Variants in CWC27 observed in about 807,000 individuals in gnomAD.
CWC27 encodes the protein spliceosome-associated protein CWC27 homolog.
In CWC27, 47 loss-of-function variants were observed where a neutral mutation model predicts 63.6. That is an observed-to-expected ratio of 0.74 (90% CI 0.58 to 0.94). The LOEUF (loss-of-function observed/expected upper bound fraction) is 0.94, where lower values mean the gene tolerates loss of function less well. CWC27 is among the 40% of genes least tolerant of loss of function. The probability of loss-of-function intolerance (pLI) is 0.00; values close to 1 mark genes in which losing one functional copy is unlikely to be tolerated. For missense variants in CWC27, 495 were observed against 554.3 expected (o/e 0.89, Z 1.07); for synonymous variants, 175 against 179.8 (o/e 0.97, Z 0.22).
chr5:64,878,558 T>G (rs1746855432), intron 10 of CWC27, among the ~76,000 whole-genome samples: 2 of 147,616 alleles, frequency 1.4e-5, no homozygotes, highest in Admixed American at 1.4e-4. Context: ...GTTTTGCATA[T>G]TATATATGTT....
At chr5:64,884,373 G>A (rs1425481731) in intron 10 of CWC27, 1 of 152,084 alleles carries the variant, frequency 6.6e-6, no homozygotes, top group Non-Finnish European at 1.5e-5. Context: ...TGTGTCTGGT[G>A]TGGAAAAAAA....
chr5:64,777,119 G>A (rs1468824147), intron 2 of CWC27, among the ~76,000 whole-genome samples: 1 of 152,012 alleles, frequency 6.6e-6, no homozygotes, highest in Non-Finnish European at 1.5e-5. Context: ...TTGTTTTATA[G>A]ACAAGTGGGG....
chr5:64,940,117 C>T (rs941192042), intron 11 of CWC27, among the ~76,000 whole-genome samples: 1 of 152,136 alleles, frequency 6.6e-6, no homozygotes, highest in African/African-American at 2.4e-5. Flanking sequence ...CTTTTCCAGG[C>T]ATGTGAACAG....
At chr5:64,858,335 G>C (rs1746311199) in intron 10 of CWC27, among the ~76,000 whole-genome samples, 1 of 148,438 alleles carries the variant, frequency 6.7e-6, no homozygotes, top group Non-Finnish European at 1.5e-5. Flanking sequence ...GGTGGCGGAC[G>C]CCTGTAGTCC....
intron 11 of CWC27, among the ~76,000 whole-genome samples, chr5:64,917,186 C>T (rs1747906943): frequency 6.6e-6 from 1 of 152,004 alleles, no homozygotes; most frequent in Admixed American, 6.6e-5. Flanking sequence ...TTGTGATGTC[C>T]AGCTCTTCCC....
Position 64,801,289 on chromosome 5 carries a change from A to T in CWC27, c.750-13A>T, listed in dbSNP as rs1361580449. Reference sequence around the variant, plus strand: ...CTTGAAACTAAAATTTGTTTTGCTTATTTTTTTTATAGTGAAAAAGGTGAT... The same window carrying T: ...CTTGAAACTAAAATTTGTTTTGCTTTTTTTTTTTATAGTGAAAAAGGTGAT... On this transcript the variant is annotated splice_polypyrimidine_tract_variant and intron_variant, in intron 8 of 13. Coordinates refer to ENST00000381070, the MANE Select transcript of CWC27 (RefSeq NM_005869.4). 7.1e-7 allele frequency: 1 copy of T among 1,412,526 alleles called. No individual in the cohort carries two copies. Among genetic ancestry groups the T allele is most frequent in the Non-Finnish European group, 9.6e-7 (1 of 1,046,422 alleles). The allele number at this position is 1,412,526 out of a possible 1,614,324, so 87.5% of individuals were successfully genotyped here.
rs576712243 is a variant in CWC27 at position 64,891,239 on chromosome 5, A to C, written c.1042+5693A>C. 3.9e-5 allele frequency among the ~76,000 whole-genome samples: 6 copies of C among 152,286 alleles called. No homozygotes were observed. The East Asian group carries it at 1.2e-3, about 29-fold the overall frequency. ...ATTAGTTAAAAAAATTAATCATTTTAATCAATTAAAGATAAAGTTCTCTTA... is the reference window on the plus strand; with the variant it reads ...ATTAGTTAAAAAAATTAATCATTTTCATCAATTAAAGATAAAGTTCTCTTA... On this transcript the variant is annotated intron_variant, in intron 11 of 13. Transcript: ENST00000381070.
intron 11 of CWC27, among the ~76,000 whole-genome samples, chr5:64,955,481 G>C (rs1748787754): frequency 6.6e-6 from 1 of 152,150 alleles, no homozygotes; most frequent in African/African-American, 2.4e-5. Flanking sequence ...CTGTATGCCA[G>C]AATCAGCAGT....
At chr5:64,829,106 G>C (rs1745444848) in intron 10 of CWC27, among the ~76,000 whole-genome samples, 1 of 152,102 alleles carries the variant, frequency 6.6e-6, no homozygotes, top group Non-Finnish European at 1.5e-5. Flanking sequence ...TATTATAACA[G>C]GATAGTTAGA....
chr5:64,890,490 A>G (rs1033153658), intron 11 of CWC27, among the ~76,000 whole-genome samples: 1 of 152,054 alleles, frequency 6.6e-6, no homozygotes, highest in Non-Finnish European at 1.5e-5. Context: ...AAATTTTCTT[A>G]TTGAGCAAAC....
At chr5:64,992,583 G>C (rs2112459475) in intron 13 of CWC27, among the ~76,000 whole-genome samples, 1 of 151,210 alleles carries the variant, frequency 6.6e-6, no homozygotes, top group South Asian at 2.1e-4. Flanking sequence ...CCAGGCTGCA[G>C]TGCAGTGGCG....
chr5:64,930,151 C>A (rs1748210809), intron 11 of CWC27, among the ~76,000 whole-genome samples: 1 of 151,932 alleles, frequency 6.6e-6, no homozygotes, highest in South Asian at 2.1e-4. Context: ...TATGGAATGT[C>A]CAAAATAGGC....
intron 13 of CWC27, among the ~76,000 whole-genome samples, chr5:64,999,322 C>T (rs747866607): frequency 1.6e-4 from 25 of 152,106 alleles, no homozygotes; most frequent in Non-Finnish European, 3.7e-4. Context: ...TAATGATCAC[C>T]TCAAACATTT....
intron 13 of CWC27, among the ~76,000 whole-genome samples, chr5:64,999,323 T>G (rs73094729): frequency 0.012 from 1,812 of 152,232 alleles, 47 homozygotes; most frequent in African/African-American, 0.041. Context: ...AATGATCACC[T>G]CAAACATTTA....
chr5:64,904,939 G>C (rs1200250131), intron 11 of CWC27, among the ~76,000 whole-genome samples: 1 of 152,124 alleles, frequency 6.6e-6, no homozygotes, highest in East Asian at 1.9e-4. Flanking sequence ...AGTGGCTCAT[G>C]CCTGTAATCC....
chr5:64,844,962 C>T (rs981661117), intron 10 of CWC27: 24 of 456,568 alleles, frequency 5.3e-5, no homozygotes, highest in South Asian at 9.3e-5. Flanking sequence ...GCCTACAGCC[C>T]GGCCCAACTG....
At position 64,859,595 on chromosome 5, in the gene CWC27, G is replaced by T. The variant is rs537365778; in HGVS notation, c.939-25848G>T. On this transcript the variant is annotated intron_variant, in intron 10 of 13. Transcript: ENST00000381070. ...CAGTATAAGAATTGATAGTAGAATG[G>T]CAAGTATGACTATAGTGATAAAAGT... is the stretch of plus-strand genomic sequence containing the variant. 2.0e-5 allele frequency among the ~76,000 whole-genome samples: 3 copies of T among 152,220 alleles called. No homozygotes were observed. The South Asian group carries it at 6.2e-4, about 32-fold the overall frequency.
Position 64,988,921 on chromosome 5 carries a change from A to T in CWC27, c.1256+11683A>T, listed in dbSNP as rs567947821. Reference sequence around the variant, plus strand: ...GCCAAGCCTAGACTATCTTTTAGTTAAGTTCTCAGAGTCTTTGATATGCAG... The same window carrying T: ...GCCAAGCCTAGACTATCTTTTAGTTTAGTTCTCAGAGTCTTTGATATGCAG... On this transcript the variant is annotated intron_variant, in intron 13 of 13. Coordinates refer to ENST00000381070, the MANE Select transcript of CWC27 (RefSeq NM_005869.4). Among the ~76,000 whole-genome samples, 199 of 152,222 alleles carry T rather than the reference A, an allele frequency of 1.3e-3. 1 individual carries two copies. The highest frequency in any genetic ancestry group is 4.5e-3 in the African/African-American group (185 of 41,528).
At chr5:64,811,471 T>C (rs1744877489) in intron 10 of CWC27, among the ~76,000 whole-genome samples, 1 of 152,074 alleles carries the variant, frequency 6.6e-6, no homozygotes, top group Admixed American at 6.6e-5. Flanking sequence ...TTTATTGTGA[T>C]TCTAAATTAA....
Sources: gnomAD v4.1 joint callset for allele counts (sites outside exome capture counted in the v4.1 genomes callset) on GRCh38, gnomAD v4.1.1 for gene constraint, MANE v1.5 for transcripts, NCBI Gene and HGNC (gene_info 2026-07-23, HGNC 2026-07-21) for gene names.